MYO3A: variants seen among roughly 807,000 people sequenced by gnomAD.
MYO3A encodes myosin-IIIa.
In MYO3A, 180 loss-of-function variants were observed where a neutral mutation model predicts 192.7. The observed-to-expected ratio is 0.93, with a 90% CI of 0.83 to 1.06. The LOEUF is 1.06. MYO3A is among the 50% of genes least tolerant of loss of function. The probability of loss-of-function intolerance (pLI) is 0.00; values close to 1 mark genes in which losing one functional copy is unlikely to be tolerated. For missense variants in MYO3A, 1,896 were observed against 1,905.0 expected (o/e 1.00, Z 0.09); for synonymous variants, 628 against 645.3 (o/e 0.97, Z 0.41).
chr10:25,955,540 G>A (rs1162620057), intron 4 of MYO3A, among the ~76,000 whole-genome samples: 1 of 152,116 alleles, frequency 6.6e-6, no homozygotes, highest in South Asian at 2.1e-4. Context: ...AAGGAAAGCT[G>A]TAGTGTCTGC....
chr10:26,139,899 T>C (rs1840055550), intron 20 of MYO3A, among the ~76,000 whole-genome samples: 2 of 151,882 alleles, frequency 1.3e-5, no homozygotes, highest in African/African-American at 4.8e-5. Context: ...AAAAAGTCAA[T>C]CTACAAACAC....
rs1836047012 is a variant in MYO3A, at chr10:25,936,135, T to A, written c.-18+305T>A. 2.0e-5 allele frequency among the ~76,000 whole-genome samples: 3 copies of A among 152,220 alleles called. No homozygotes were observed. The South Asian group carries it at 6.2e-4, about 32-fold the overall frequency. The stretch of plus-strand genomic sequence containing the variant: ...CAATTTTGTAATCTTTAATATCAAC[T>A]TAATATATATGTGTATATATACATA... On this transcript the variant is annotated intron_variant, in intron 2 of 34. Coordinates refer to ENST00000642920, the MANE Select transcript of MYO3A (RefSeq NM_017433.5).
intron 4 of MYO3A, 135 bp downstream of exon 4, chr10:25,955,143 C>T (rs1217897011): frequency 2.3e-6 from 3 of 1,300,618 alleles, no homozygotes; most frequent in African/African-American, 1.5e-5. Flanking sequence ...AATGTTGTGC[C>T]TAGTTTTGGC....
At chr10:26,027,346 A>C (rs1842601475) in intron 10 of MYO3A, among the ~76,000 whole-genome samples, 1 of 96,218 alleles carries the variant, frequency 1.0e-5, no homozygotes, top group Non-Finnish European at 2.5e-5. Context: ...TGTTGGATAT[A>C]CTTTTTTGTT....
chr10:26,109,626 C>T (rs1464016095), intron 17 of MYO3A, among the ~76,000 whole-genome samples: 1 of 152,208 alleles, frequency 6.6e-6, no homozygotes, highest in Non-Finnish European at 1.5e-5. Context: ...TTAGAGGGGA[C>T]TACTATAATC....
At chr10:26,140,730 A>G (rs1356927886) in intron 20 of MYO3A, among the ~76,000 whole-genome samples, 2 of 151,898 alleles carry the variant, frequency 1.3e-5, no homozygotes, top group Non-Finnish European at 2.9e-5. Flanking sequence ...AACTTTGTCC[A>G]GGTGTGGGAT....
chr10:25,960,449 A>G (rs1309147197), intron 4 of MYO3A, among the ~76,000 whole-genome samples: 5 of 152,120 alleles, frequency 3.3e-5, no homozygotes, highest in Admixed American at 2.6e-4. Flanking sequence ...CGAAGTGTAA[A>G]TTTTGACTCC....
At chr10:26,118,694 C>T (rs919759518) in intron 17 of MYO3A, among the ~76,000 whole-genome samples, 3 of 151,712 alleles carry the variant, frequency 2.0e-5, no homozygotes, top group Admixed American at 6.6e-5. Context: ...TACAGTGGCA[C>T]GATCTCGGCT....
intron 10 of MYO3A, among the ~76,000 whole-genome samples, chr10:26,045,162 G>A (rs1042144634): frequency 1.3e-5 from 2 of 152,212 alleles, no homozygotes; most frequent in African/African-American, 4.8e-5. Flanking sequence ...AAAGTGGGAA[G>A]GAGACCAATG....
chr10:26,200,820 TC>T (rs1251029143), intron 32 of MYO3A: 1 of 152,464 alleles, frequency 6.6e-6, no homozygotes, highest in East Asian at 1.9e-4. Context: ...GCGGACTGTT[TC>T]ACCTGCCGTC....
intron 6 of MYO3A, among the ~76,000 whole-genome samples, chr10:25,998,514 TG>T (rs1273260605): frequency 6.6e-6 from 1 of 152,112 alleles, no homozygotes; most frequent in East Asian, 1.9e-4. Flanking sequence ...TTCAGAGCCT[TG>T]AGCAATCTGT....
intron 21 of MYO3A, among the ~76,000 whole-genome samples, chr10:26,144,611 A>G (rs1298021682): frequency 6.6e-6 from 1 of 152,124 alleles, no homozygotes; most frequent in Non-Finnish European, 1.5e-5. Context: ...TTTATTTCTC[A>G]TGTAATCAAT....
intron 6 of MYO3A, among the ~76,000 whole-genome samples, chr10:26,010,450 G>GCTTTTTTTTTTTTTTTT (rs1841560397): frequency 9.0e-6 from 1 of 111,234 alleles, no homozygotes; most frequent in African/African-American, 3.5e-5. Flanking sequence ...CTAAGTAGTT[G>GCTTTTTTTTTTTTTTTT]TTTTTTTTTT....
At chr10:26,096,503 A>G (rs1328982159) in intron 16 of MYO3A, 24 bp downstream of exon 16, 7 of 1,603,858 alleles carry the variant, frequency 4.4e-6, no homozygotes, top group Non-Finnish European at 6.0e-6. Flanking sequence ...TTGAGCTTTC[A>G]TCAATAATAC....
At chr10:26,187,111 G>A (rs1290567259) in intron 31 of MYO3A, among the ~76,000 whole-genome samples, 1 of 152,056 alleles carries the variant, frequency 6.6e-6, no homozygotes, top group African/African-American at 2.4e-5. Flanking sequence ...ACATCTCTAA[G>A]CTGAAATGAA....
intron 12 of MYO3A, among the ~76,000 whole-genome samples, chr10:26,069,226 T>A (rs1180171906): frequency 8.7e-6 from 1 of 114,578 alleles, no homozygotes; most frequent in African/African-American, 2.8e-5. Context: ...GCCGCTGAAC[T>A]GAGTATGGGA....
intron 4 of MYO3A, among the ~76,000 whole-genome samples, chr10:25,968,290 T>C (rs1483229863): frequency 6.6e-6 from 1 of 152,174 alleles, no homozygotes; most frequent in African/African-American, 2.4e-5. Flanking sequence ...AATTTTGAAT[T>C]CTGTATTCAG....
At chr10:26,165,401 C>T (rs1841690704) in intron 26 of MYO3A, among the ~76,000 whole-genome samples, 2 of 152,148 alleles carry the variant, frequency 1.3e-5, no homozygotes, top group Admixed American at 6.6e-5. Context: ...AGATTATTGA[C>T]CAGTGTAAAG....
chr10:26,077,621 T>C (rs371634078), intron 14 of MYO3A, among the ~76,000 whole-genome samples: 3 of 152,078 alleles, frequency 2.0e-5, no homozygotes, highest in African/African-American at 4.8e-5. Context: ...CAGTATTACG[T>C]TGGCTGTGGG....
Sources: gnomAD v4.1 joint callset for allele counts (sites outside exome capture counted in the v4.1 genomes callset) on GRCh38, gnomAD v4.1.1 for gene constraint, MANE v1.5 for transcripts, NCBI Gene and HGNC (gene_info 2026-07-23, HGNC 2026-07-21) for gene names.